Variants in MMS22L observed in about 807,000 individuals in gnomAD.
MMS22L encodes the protein MMS22 like, DNA repair protein, also known as protein MMS22-like.
Under a neutral mutation model 159.1 loss-of-function variants are expected in MMS22L, and 74 were observed. The ratio of observed to expected loss-of-function variants is 0.47; its 90% CI spans 0.39 to 0.56. The LOEUF (loss-of-function observed/expected upper bound fraction) is 0.56, where lower values mean the gene tolerates loss of function less well. Ranked by LOEUF, MMS22L falls within the 20% of genes least tolerant of loss-of-function variation. The pLI is 0.00. For missense variants in MMS22L, 1,351 were observed against 1,422.1 expected (o/e 0.95, Z 0.80); for synonymous variants, 517 against 506.9 (o/e 1.02, Z -0.27).
At chr6:97,262,962 T>C (rs1335396127) in intron 9 of MMS22L, among the ~76,000 whole-genome samples, 3 of 152,156 alleles carry the variant, frequency 2.0e-5, no homozygotes, top group African/African-American at 4.8e-5. Flanking sequence ...AATTGAGTAA[T>C]AGAAACCTGT....
chr6:97,190,849 G>T (rs1218736490), intron 14 of MMS22L, among the ~76,000 whole-genome samples: 1 of 152,106 alleles, frequency 6.6e-6, no homozygotes, highest in Non-Finnish European at 1.5e-5. Flanking sequence ...CCACCTAACA[G>T]GGTTATTGTG....
chr6:97,164,455 T>C (rs1406809148), intron 21 of MMS22L, among the ~76,000 whole-genome samples: 2 of 151,948 alleles, frequency 1.3e-5, no homozygotes, highest in African/African-American at 4.8e-5. Context: ...AACTTTCTAA[T>C]GTTAAAGTTA....
intron 14 of MMS22L, among the ~76,000 whole-genome samples, chr6:97,206,730 T>C (rs2127923594): frequency 6.6e-6 from 1 of 152,218 alleles, no homozygotes; most frequent in African/African-American, 2.4e-5. Flanking sequence ...AAATTTTCAA[T>C]ACCATCTAAA....
intron 11 of MMS22L, among the ~76,000 whole-genome samples, chr6:97,242,113 C>T (rs1156634853): frequency 2.0e-5 from 3 of 152,062 alleles, no homozygotes; most frequent in African/African-American, 7.2e-5. Flanking sequence ...CTGTTAAGTC[C>T]ATTTGTTCTA....
chr6:97,170,903 A>G, intron 19 of MMS22L, among the ~76,000 whole-genome samples: 1 of 152,066 alleles, frequency 6.6e-6, no homozygotes, highest in East Asian at 1.9e-4. Flanking sequence ...GCTACTCAGG[A>G]GACTGAGGCA....
intron 21 of MMS22L, among the ~76,000 whole-genome samples, chr6:97,163,287 T>C (rs371343454): frequency 1.3e-5 from 2 of 151,782 alleles, no homozygotes; most frequent in South Asian, 2.1e-4. Flanking sequence ...AAAAAGACAA[T>C]TATAATATAG....
chr6:97,241,187 A>T (rs949679922), intron 11 of MMS22L, among the ~76,000 whole-genome samples: 1 of 152,156 alleles, frequency 6.6e-6, no homozygotes, highest in African/African-American at 2.4e-5. Flanking sequence ...ATATATAAGA[A>T]GTTTTCTCTA....
At chr6:97,279,022 T>C (rs1304139409) in intron 3 of MMS22L, 124 bp from the exon 4 acceptor site, 2 of 674,306 alleles carry the variant, frequency 3.0e-6, no homozygotes, top group Non-Finnish European at 4.9e-6. Context: ...TGATGATTAA[T>C]ACCTTGTGAA....
At position 97,233,981 on chromosome 6, in the gene MMS22L, C is replaced by G. The variant is rs1321279422; in HGVS notation, c.1183-1G>C. On this transcript the variant is annotated splice_acceptor_variant, in intron 11 of 24. Transcript: ENST00000683635. LOFTEE classifies it high-confidence loss of function. ...GTAATTGTTCTTCTAGAATGACACC[C>G]TAAAAAATAAACTGAAGTTATGAGA... 3 of 1,601,754 alleles carry G rather than the reference C, an allele frequency of 1.9e-6. No individual in the cohort carries two copies. Among genetic ancestry groups the G allele is most frequent in the Non-Finnish European group, 2.6e-6 (3 of 1,175,860 alleles).
chr6:97,241,592 A>T (rs1050184017), intron 11 of MMS22L, among the ~76,000 whole-genome samples: 4 of 152,020 alleles, frequency 2.6e-5, no homozygotes, highest in African/African-American at 9.7e-5. Flanking sequence ...GGCCATTTAC[A>T]TATCTTCTTT....
chr6:97,280,119 G>T (rs552831698), intron 3 of MMS22L, among the ~76,000 whole-genome samples: 1 of 152,124 alleles, frequency 6.6e-6, no homozygotes, highest in Non-Finnish European at 1.5e-5. Flanking sequence ...ATGACATGGC[G>T]TAGATACAGT....
At chr6:97,250,535 C>A (rs1044531921) in intron 10 of MMS22L, among the ~76,000 whole-genome samples, 12 of 152,096 alleles carry the variant, frequency 7.9e-5, no homozygotes, top group Non-Finnish European at 1.5e-4. Context: ...TGACTAGAAT[C>A]GTGAGAGAGT....
chr6:97,233,729 C>G lies in MMS22L; in HGVS notation c.1302+132G>C, dbSNP rs1039327341. ...AAGATAAAACTATTCACGAGCTACT[C>G]CAATCTACTCTGAAAAAAATTAACT... is the stretch of plus-strand genomic sequence containing the variant. On this transcript the variant is annotated intron_variant, in intron 12 of 24. Coordinates refer to ENST00000683635, the MANE Select transcript of MMS22L (RefSeq NM_001350599.2). The G allele has an allele frequency of 5.6e-6, 5 of 890,898 alleles. No individual in the cohort carries two copies. The African/African-American group carries it at 8.7e-5, about 16-fold the overall frequency. 55.2% of individuals were successfully genotyped at this position (890,898 alleles called of 1,614,324 possible).
intron 4 of MMS22L, among the ~76,000 whole-genome samples, chr6:97,273,691 A>G (rs2482410): frequency 6.6e-6 from 1 of 152,180 alleles, no homozygotes; most frequent in South Asian, 2.1e-4. Flanking sequence ...TGCCACCAGT[A>G]GCCTATATGG....
chr6:97,149,377 A>G (rs1204463807), intron 24 of MMS22L, among the ~76,000 whole-genome samples: 1 of 152,184 alleles, frequency 6.6e-6, no homozygotes, highest in Non-Finnish European at 1.5e-5. Context: ...ATTAAAAAAA[A>G]GTCTTATTTC....
chr6:97,222,077 T>C (rs535055654), intron 14 of MMS22L, among the ~76,000 whole-genome samples: 1 of 152,186 alleles, frequency 6.6e-6, no homozygotes, highest in East Asian at 1.9e-4. Flanking sequence ...ACAGTTCCTC[T>C]TGTACCTCCT....
chr6:97,276,747 A>T (rs1356455558), intron 4 of MMS22L, among the ~76,000 whole-genome samples: 1 of 152,166 alleles, frequency 6.6e-6, no homozygotes, highest in Non-Finnish European at 1.5e-5. Context: ...ATTTCTTCCC[A>T]TCTGTGAAGA....
chr6:97,247,091 T>C (rs912736952), intron 10 of MMS22L, among the ~76,000 whole-genome samples: 3 of 151,522 alleles, frequency 2.0e-5, no homozygotes, highest in African/African-American at 7.3e-5. Flanking sequence ...AGCTTTTTCC[T>C]TCATTTTGTG....
chr6:97,219,885 C>G (rs1469736745), intron 14 of MMS22L, among the ~76,000 whole-genome samples: 1 of 152,168 alleles, frequency 6.6e-6, no homozygotes, highest in Admixed American at 6.6e-5. Context: ...CAACATACTA[C>G]TAACTTCTGA....
Sources: gnomAD v4.1 joint callset for allele counts (sites outside exome capture counted in the v4.1 genomes callset) on GRCh38, gnomAD v4.1.1 for gene constraint, MANE v1.5 for transcripts, NCBI Gene and HGNC (gene_info 2026-07-23, HGNC 2026-07-21) for gene names.